The following GTF3C1 variants were observed in gnomAD, a reference collection of about 807,000 sequenced individuals.
GTF3C1 encodes the protein general transcription factor IIIC subunit 1.
GTF3C1 carries 57 observed loss-of-function variants against 226.7 expected under a neutral mutation model. That is an observed-to-expected ratio of 0.25 (90% CI 0.20 to 0.31). The LOEUF is 0.31. Among genes scored for constraint, GTF3C1 ranks in the 10% least tolerant of loss-of-function variants. GTF3C1 has a pLI of 1.00. For missense variants in GTF3C1, 2,217 were observed against 2,776.1 expected (o/e 0.80, Z 4.53); for synonymous variants, 1,090 against 1,084.8 (o/e 1.00, Z -0.09).
rs376383886 is a variant in GTF3C1, at chr16:27,477,341, AT to A, written c.4260-798del. Among the ~76,000 whole-genome samples, 377 of 151,486 alleles carry A rather than the reference AT, an allele frequency of 2.5e-3. 2 individuals carry two copies. Among genetic ancestry groups the A allele is most frequent in the African/African-American group, 8.7e-3 (358 of 41,270 alleles). On this transcript the variant is annotated intron_variant, in intron 28 of 36. Coordinates refer to ENST00000356183, the MANE Select transcript of GTF3C1 (RefSeq NM_001520.4). ...TTTTTTTTGAGACAGAGTTTTGCTC[AT>A]GTCGCCCAGGCTTGAGTGCAATGGT...
intron 1 of GTF3C1, among the ~76,000 whole-genome samples, chr16:27,545,828 G>A (rs532551361): frequency 6.6e-6 from 1 of 152,104 alleles, no homozygotes; most frequent in Non-Finnish European, 1.5e-5. Context: ...AAACCACCAA[G>A]TTGGACGAAA....
At chr16:27,478,668 G>A in intron 27 of GTF3C1, 137 bp from the exon 28 acceptor site, 1 of 728,838 alleles carries the variant, frequency 1.4e-6, no homozygotes, top group Non-Finnish European at 2.5e-6. Flanking sequence ...AATGTCGAGT[G>A]CTGTGCATGT....
intron 6 of GTF3C1, among the ~76,000 whole-genome samples, chr16:27,524,431 A>T (rs1358949695): frequency 6.6e-6 from 1 of 152,180 alleles, no homozygotes; most frequent in East Asian, 1.9e-4. Flanking sequence ...TGTCACCTGT[A>T]AGTCTCACAA....
chr16:27,476,769 C>T (rs1466451196), intron 28 of GTF3C1, among the ~76,000 whole-genome samples: 2 of 152,208 alleles, frequency 1.3e-5, no homozygotes, highest in African/African-American at 4.8e-5. Flanking sequence ...CTACCTGGAA[C>T]GGGTTTACAT....
intron 6 of GTF3C1, among the ~76,000 whole-genome samples, chr16:27,514,639 T>TTAC (rs774802521): frequency 1.4e-4 from 21 of 152,170 alleles, no homozygotes; most frequent in Non-Finnish European, 1.9e-4. Context: ...CATTTATCCA[T>TTAC]TACTATATCC....
Position 27,461,505 on chromosome 16 carries a change from A to G in GTF3C1, c.6175T>C (p.Ser2059Pro). The change falls in exon 37 of 37, where the codon TCG becomes CCG. Residue 2059 changes from serine (S) to proline (P), a missense_variant. Ser to Pro is a moderately conservative substitution (Grantham distance 74, BLOSUM62 -1). Coordinates refer to ENST00000356183, the MANE Select transcript of GTF3C1 (RefSeq NM_001520.4). The surrounding 1 kb of genome is among the most constrained non-coding windows in gnomAD (Gnocchi z 5.3). ...KRWLRKPRPV[S>P]LFSTPVVEEV... ...TCCACCACGGGTGTAGAGAAGAGCG[A>G]GACAGGCCTTGGCTTTCTCAGCCAG... The G allele has an allele frequency of 6.2e-7, 1 of 1,614,006 alleles. No individual in the cohort carries two copies. The highest frequency in any genetic ancestry group is 8.5e-7 in the Non-Finnish European group (1 of 1,179,976).
At chr16:27,542,171 C>T (rs2089094595) in intron 2 of GTF3C1, among the ~76,000 whole-genome samples, 1 of 152,152 alleles carries the variant, frequency 6.6e-6, no homozygotes, top group African/African-American at 2.4e-5. Context: ...TGTACAGCCA[C>T]GTGCATGAGA....
intron 27 of GTF3C1, 184 bp from the exon 28 acceptor site, chr16:27,478,715 T>G (rs1399395751): frequency 1.7e-6 from 1 of 599,996 alleles, no homozygotes; most frequent in African/African-American, 1.9e-5. Flanking sequence ...CTGCCTGTTA[T>G]AAAAAGGAGG....
In GTF3C1 at chr16:27,464,829, A is replaced by G; in HGVS notation, c.5363T>C (p.Leu1788Pro). The G allele has an allele frequency of 6.6e-7, 1 of 1,510,102 alleles. No individual in the cohort carries two copies. The highest frequency in any genetic ancestry group is 8.8e-7 in the Non-Finnish European group (1 of 1,138,710). The allele number at this position is 1,510,102 out of a possible 1,614,324, so 93.5% of individuals were successfully genotyped here. ...GACCTCCAGCACCTGATGCTGCTCC[A>G]GGAGGGCCTGGGGAGGCAGGAGACA... The part of the protein sequence containing the change: ...RTFADCIQAL[L>P]EQHQVLEVGG... The change falls in exon 34 of 37, where the codon CTG becomes CCG. Residue 1788 changes from leucine (L) to proline (P), a missense_variant. By Grantham distance (98) the Leu-to-Pro change is moderately conservative (BLOSUM62 -3). Coordinates refer to ENST00000356183, the MANE Select transcript of GTF3C1 (RefSeq NM_001520.4).
At chr16:27,487,716 C>T (rs2141373204) in intron 23 of GTF3C1, among the ~76,000 whole-genome samples, 1 of 152,262 alleles carries the variant, frequency 6.6e-6, no homozygotes, top group Non-Finnish European at 1.5e-5. Flanking sequence ...TTGCTTGAGC[C>T]CAGGAGGCGG....
At chr16:27,527,820 A>G (rs1037594027) in intron 6 of GTF3C1, among the ~76,000 whole-genome samples, 2 of 152,010 alleles carry the variant, frequency 1.3e-5, no homozygotes, top group African/African-American at 4.8e-5. Context: ...TGGGCAACAT[A>G]GCGAGACTTT....
Position 27,469,896 on chromosome 16 carries a change from C to T in GTF3C1, c.4814+212G>A, listed in dbSNP as rs115413105. On this transcript the variant is annotated intron_variant, in intron 31 of 36. Transcript: ENST00000356183. This position sits in a 1 kb window ranked among gnomAD's most constrained non-coding sequence, Gnocchi z 4.5. ...TCTCTTCCCTGCCCCTCCCCTGCCC[C>T]GCTGTGCTGCGTCCTTCTCTTTGGC... Among the ~76,000 whole-genome samples the T allele has an allele frequency of 6.7e-3, 1,023 of 152,264 alleles. 13 individuals are homozygous for T. The highest frequency in any genetic ancestry group is 0.024 in the African/African-American group (980 of 41,550).
At position 27,469,428 on chromosome 16, in the gene GTF3C1, AG is replaced by A; in HGVS notation, c.4936del (p.Leu1646CysfsTer2). 1 of 1,614,160 alleles carries A rather than the reference AG, an allele frequency of 6.2e-7. No homozygotes were observed. Among genetic ancestry groups the A allele is most frequent in the Non-Finnish European group, 8.5e-7 (1 of 1,180,004 alleles). ...KPAQASHTNYLLMRGYYSPGI... is the reference protein window; with the variant it reads ...KPAQASHTNYXLMRGYYSPGI... ...GGGGGAGTAGTAGCCCCTCATCAGC[AG>A]GTAGTTGGTGTGGGAGGCTTGCGCA... On this transcript the variant is annotated frameshift_variant, in exon 32 of 37. Transcript: ENST00000356183. LOFTEE classifies it high-confidence loss of function. The surrounding 1 kb of genome is among the most constrained non-coding windows in gnomAD (Gnocchi z 4.5).
At chr16:27,538,117 C>A in intron 3 of GTF3C1, 63 bp downstream of exon 3, 1 of 1,263,800 alleles carries the variant, frequency 7.9e-7, no homozygotes, top group Non-Finnish European at 1.1e-6. Flanking sequence ...CAGGCCCCTG[C>A]ATTTGGGATT....
At chr16:27,498,865 C>A (rs1240672393) in intron 12 of GTF3C1, 132 bp from the exon 13 acceptor site, 9 of 647,890 alleles carry the variant, frequency 1.4e-5, no homozygotes, top group Non-Finnish European at 5.6e-6. Context: ...ATTAGGAGAT[C>A]GAAACAAAAT....
intron 25 of GTF3C1, chr16:27,483,352 T>G: frequency 1.5e-6 from 1 of 651,954 alleles, no homozygotes. Context: ...TTCTCTGAAC[T>G]TCCGTCCTTC....
At chr16:27,502,749 G>T in intron 11 of GTF3C1, 110 bp downstream of exon 11, 1 of 1,116,028 alleles carries the variant, frequency 9.0e-7, no homozygotes, top group Non-Finnish European at 1.3e-6. Flanking sequence ...CTACACAGTG[G>T]GACAGAGATT....
Position 27,470,029 on chromosome 16 carries a change from C to T in GTF3C1, c.4814+79G>A, listed in dbSNP as rs2087844264. The T allele has an allele frequency of 3.4e-6, 4 of 1,187,412 alleles. No homozygotes were observed. Among genetic ancestry groups the T allele is most frequent in the East Asian group, 2.3e-5 (1 of 42,804 alleles). 73.6% of individuals were successfully genotyped at this position (1,187,412 alleles called of 1,614,324 possible). A position where few individuals can be genotyped will look rare whatever the true frequency, so the allele number is the denominator to read the frequency against. On this transcript the variant is annotated intron_variant, in intron 31 of 36. Coordinates refer to ENST00000356183, the MANE Select transcript of GTF3C1 (RefSeq NM_001520.4). The surrounding 1 kb of genome is among the most constrained non-coding windows in gnomAD (Gnocchi z 4.9). ...CCATCCCACAAGCTCCCAGAAGGCA[C>T]TGCTGACCCCTGCCCGTCTGTATCT...
chr16:27,499,012 G>C (rs564994474), intron 12 of GTF3C1, among the ~76,000 whole-genome samples: 137 of 152,186 alleles, frequency 9.0e-4, no homozygotes, highest in Non-Finnish European at 1.5e-3. Context: ...CTGTCTCCCT[G>C]CAAGTCCCTT....
Sources: gnomAD v4.1 joint callset for allele counts (sites outside exome capture counted in the v4.1 genomes callset) on GRCh38, gnomAD v4.1.1 for gene constraint, Gnocchi (gnomAD v3.1) non-coding constraint, MANE v1.5 for transcripts, NCBI Gene and HGNC (gene_info 2026-07-23, HGNC 2026-07-21) for gene names.